NCALD: variants seen among roughly 807,000 people sequenced by gnomAD.
NCALD encodes the protein neurocalcin delta, also known as neurocalcin-delta.
NCALD carries 10 observed loss-of-function variants against 18.6 expected under a neutral mutation model. The ratio of observed to expected loss-of-function variants is 0.54; its 90% CI spans 0.33 to 0.91. NCALD has a LOEUF of 0.91. Ranked by LOEUF, NCALD falls within the 40% of genes least tolerant of loss-of-function variation. NCALD has a pLI of 0.03. For synonymous variants in NCALD, 88 were observed against 87.4 expected, an observed-to-expected ratio of 1.01 and a Z score of -0.04; for missense variants, 184 against 247.6, an observed-to-expected ratio of 0.74 and a Z score of 1.72.
chr8:101,863,773 G>A (rs1401326200), intron 4 of NCALD, among the ~76,000 whole-genome samples: 1 of 152,152 alleles, frequency 6.6e-6, no homozygotes, highest in African/African-American at 2.4e-5. Flanking sequence ...GTAGAGGAAG[G>A]GCTCTCTGAG....
intron 4 of NCALD, among the ~76,000 whole-genome samples, chr8:101,860,646 T>C (rs1815502093): frequency 6.6e-6 from 1 of 152,170 alleles, no homozygotes; most frequent in Admixed American, 6.5e-5. Flanking sequence ...TCAACCATAA[T>C]AACATAAACA....
At chr8:101,806,319 A>G (rs1239711120) in intron 4 of NCALD, among the ~76,000 whole-genome samples, 3 of 152,190 alleles carry the variant, frequency 2.0e-5, no homozygotes, top group Admixed American at 2.0e-4. Flanking sequence ...AAGAAAAAGG[A>G]AAATGTAACT....
chr8:101,800,994 GAAGGA>G (rs1809231179), intron 4 of NCALD, among the ~76,000 whole-genome samples: 1 of 147,042 alleles, frequency 6.8e-6, no homozygotes, highest in African/African-American at 2.5e-5. Context: ...GGGAGAAGAG[GAAGGA>G]AAGAAAACAA....
At chr8:102,066,837 G>A (rs1824025053) in intron 1 of NCALD, among the ~76,000 whole-genome samples, 1 of 152,204 alleles carries the variant, frequency 6.6e-6, no homozygotes, top group South Asian at 2.1e-4. Context: ...AGTGTGCACA[G>A]CCCCACTCAT....
At chr8:101,801,025 G>T (rs1269044460) in intron 4 of NCALD, among the ~76,000 whole-genome samples, 1 of 149,696 alleles carries the variant, frequency 6.7e-6, no homozygotes, top group South Asian at 2.1e-4. Context: ...GAAAGGGAAA[G>T]GATGAAGGAA....
At chr8:101,772,551 C>T (rs1811627804) in intron 1 of NCALD, among the ~76,000 whole-genome samples, 1 of 152,230 alleles carries the variant, frequency 6.6e-6, no homozygotes, top group South Asian at 2.1e-4. Flanking sequence ...CCACTGCCCT[C>T]AGCCCTGGAC....
At chr8:102,096,481 G>A (rs1185243708) in intron 1 of NCALD, among the ~76,000 whole-genome samples, 2 of 152,222 alleles carry the variant, frequency 1.3e-5, no homozygotes, top group African/African-American at 4.8e-5. Flanking sequence ...TCCAGCCTAA[G>A]TAACAAAAGG....
intron 2 of NCALD, among the ~76,000 whole-genome samples, chr8:101,945,327 G>A (rs887220276): frequency 6.6e-6 from 1 of 152,188 alleles, no homozygotes; most frequent in Non-Finnish European, 1.5e-5. Flanking sequence ...ACAATGGTGG[G>A]TGGAGATGAA....
intron 1 of NCALD, among the ~76,000 whole-genome samples, chr8:101,775,800 C>A (rs1002884339): frequency 6.6e-6 from 1 of 152,196 alleles, no homozygotes; most frequent in African/African-American, 2.4e-5. Flanking sequence ...CTGCTGAGAA[C>A]GTGTCCCTTT....
At chr8:102,039,462 T>C (rs1822977393) in intron 1 of NCALD, among the ~76,000 whole-genome samples, 1 of 152,150 alleles carries the variant, frequency 6.6e-6, no homozygotes, top group South Asian at 2.1e-4. Flanking sequence ...TCACTGACAT[T>C]TGTCTAATAG....
chr8:101,877,295 T>C (rs1400750488), intron 4 of NCALD, among the ~76,000 whole-genome samples: 1 of 152,226 alleles, frequency 6.6e-6, no homozygotes, highest in Non-Finnish European at 1.5e-5. Context: ...GGTTTACAGA[T>C]ACTAGAAGGT....
intron 3 of NCALD, chr8:101,690,313 G>A (rs188299137): frequency 4.1e-6 from 4 of 984,322 alleles, no homozygotes; most frequent in Admixed American, 6.1e-5. Flanking sequence ...TGACATGCTC[G>A]ATTGGTAAAT....
chr8:101,880,991 TA>T (rs1816472658), intron 4 of NCALD, among the ~76,000 whole-genome samples: 1 of 152,184 alleles, frequency 6.6e-6, no homozygotes, highest in Admixed American at 6.5e-5. Flanking sequence ...AAGTCCTTAA[TA>T]TTTCTGAACA....
At chr8:102,005,638 C>T (rs887941164) in intron 2 of NCALD, among the ~76,000 whole-genome samples, 10 of 152,236 alleles carry the variant, frequency 6.6e-5, no homozygotes, top group African/African-American at 2.4e-4. Context: ...AAATGTCCAA[C>T]AATGATAGAC....
chr8:101,875,473 C>T lies in NCALD; in HGVS notation c.-20+11668G>A, dbSNP rs144028423. On this transcript the variant is annotated intron_variant, in intron 4 of 6. Coordinates refer to the NCALD transcript ENST00000311028. Reference sequence around the variant, plus strand: ...TTTTTTCTAACCTCTCTGCTCGGTGCTCCGTGTCCCCTGGTTACTGGGGTA... The same window carrying T: ...TTTTTTCTAACCTCTCTGCTCGGTGTTCCGTGTCCCCTGGTTACTGGGGTA... Among the ~76,000 whole-genome samples, 3 of 152,304 alleles carry T rather than the reference C, an allele frequency of 2.0e-5. No individual in the cohort carries two copies. In the East Asian group the frequency reaches 5.8e-4, roughly 29 times the overall value.
At chr8:101,941,043 A>C (rs1818937599) in intron 2 of NCALD, among the ~76,000 whole-genome samples, 2 of 152,228 alleles carry the variant, frequency 1.3e-5, no homozygotes, top group South Asian at 4.1e-4. Flanking sequence ...ATCTAACCTG[A>C]AATAATAACA....
Position 101,785,515 on chromosome 8 carries a change from G to A in NCALD, c.-20+5347C>T, listed in dbSNP as rs139621797. On this transcript the variant is annotated intron_variant, in intron 1 of 3. Transcript: ENST00000220931. ...TAGATAGAAGGAGCCTGAGTCCCTG[G>A]AGGACTGTGTGGAGCAGAGCCCTTC... Among the ~76,000 whole-genome samples, 840 of 152,256 alleles carry A rather than the reference G, an allele frequency of 5.5e-3. 9 individuals carry two copies. Among genetic ancestry groups the A allele is most frequent in the African/African-American group, 0.017 (722 of 41,552 alleles).
intron 2 of NCALD, among the ~76,000 whole-genome samples, chr8:101,959,721 T>C (rs1453772271): frequency 6.6e-6 from 1 of 152,162 alleles, no homozygotes; most frequent in Non-Finnish European, 1.5e-5. Context: ...GCTCAACTTG[T>C]ACTTTGCCTG....
chr8:101,880,558 G>A (rs775615334), intron 4 of NCALD, among the ~76,000 whole-genome samples: 5 of 152,324 alleles, frequency 3.3e-5, no homozygotes, highest in South Asian at 4.1e-4. Flanking sequence ...CTGCCAGCAC[G>A]CTGTCACCTC....
Sources: gnomAD v4.1 joint callset for allele counts (sites outside exome capture counted in the v4.1 genomes callset) on GRCh38, gnomAD v4.1.1 for gene constraint, MANE v1.5 for transcripts, NCBI Gene and HGNC (gene_info 2026-07-23, HGNC 2026-07-21) for gene names.